The following RASEF variants were observed in gnomAD, a reference collection of about 807,000 sequenced individuals.
The protein encoded by RASEF is ras and EF-hand domain-containing protein.
In RASEF, 68 loss-of-function variants were observed where a neutral mutation model predicts 90.1. The observed-to-expected ratio is 0.75, with a 90% CI of 0.62 to 0.92. The LOEUF is 0.92. Ranked by LOEUF, RASEF falls within the 40% of genes least tolerant of loss-of-function variation. The probability of loss-of-function intolerance (pLI) is 0.00; values close to 1 mark genes in which losing one functional copy is unlikely to be tolerated. For synonymous variants in RASEF, 331 were observed against 345.2 expected (o/e 0.96, Z 0.46); for missense variants, 949 against 937.2 (o/e 1.01, Z -0.16).
chr9:83,170,644 A>C, the RASEF span, among the ~76,000 whole-genome samples: 1 of 151,632 alleles, frequency 6.6e-6, no homozygotes, highest in Non-Finnish European at 1.5e-5. Flanking sequence ...TTATTTGGTT[A>C]AGTTTATTCC....
At chr9:83,102,622 A>G in the RASEF span, among the ~76,000 whole-genome samples, 1 of 152,164 alleles carries the variant, frequency 6.6e-6, no homozygotes, top group Non-Finnish European at 1.5e-5. Flanking sequence ...TTCAGGCAGG[A>G]GACAGAGGGA....
chr9:83,151,596 T>C, the RASEF span, among the ~76,000 whole-genome samples: 3 of 152,232 alleles, frequency 2.0e-5, no homozygotes, highest in African/African-American at 4.8e-5. Context: ...ATTTTGCAAC[T>C]GGAAAACCAA....
the RASEF span, among the ~76,000 whole-genome samples, chr9:83,200,369 C>G: frequency 1.3e-5 from 2 of 152,232 alleles, no homozygotes; most frequent in East Asian, 3.9e-4. Flanking sequence ...GCACTCCAGC[C>G]TGGGCAACAG....
At chr9:83,088,401 G>GATAGATAGAT in the RASEF span, among the ~76,000 whole-genome samples, 1 of 151,838 alleles carries the variant, frequency 6.6e-6, no homozygotes, top group Admixed American at 6.6e-5. Flanking sequence ...TAGATAGATA[G>GATAGATAGAT]ATAGATAGAT....
the RASEF span, among the ~76,000 whole-genome samples, chr9:83,170,895 C>A: frequency 6.6e-6 from 1 of 151,740 alleles, no homozygotes; most frequent in Non-Finnish European, 1.5e-5. Context: ...TTTTCCTTTC[C>A]AATTTGGTTG....
Position 83,062,547 on chromosome 9 carries a change from G to A in RASEF, c.321C>T (p.Gly107=), listed in dbSNP as rs1229956429. 1.2e-6 allele frequency: 2 copies of A among 1,603,736 alleles called. No homozygotes were observed. Among genetic ancestry groups the A allele is most frequent in the African/African-American group, 1.3e-5 (1 of 74,816 alleles). ...CCAGCGCCGCCGCCGCGTCCTCGTC[G>A]CCTTCGTCCTCCTCGCTGTCGTGTG... ...PETHDSEEDE[G]DEDAAAALAT... is the part of the protein sequence containing the mutation. Residue 107 remains glycine (G), a synonymous_variant, in exon 1 of 17, where the codon GGC becomes GGT. Coordinates refer to ENST00000376447, the MANE Select transcript of RASEF (RefSeq NM_152573.4).
the RASEF span, among the ~76,000 whole-genome samples, chr9:83,204,323 AG>A: frequency 6.6e-6 from 1 of 152,002 alleles, no homozygotes; most frequent in African/African-American, 2.4e-5. Flanking sequence ...CAATTTGCAA[AG>A]TTTGGAGTCC....
the RASEF span, among the ~76,000 whole-genome samples, chr9:83,157,570 A>G: frequency 6.6e-6 from 1 of 152,222 alleles, no homozygotes; most frequent in Admixed American, 6.5e-5. Flanking sequence ...TGAGCTAAAT[A>G]AACTTCTTTC....
intron 9 of RASEF, among the ~76,000 whole-genome samples, chr9:83,003,043 TA>T (rs1829066965): frequency 6.6e-6 from 1 of 152,176 alleles, no homozygotes; most frequent in African/African-American, 2.4e-5. Context: ...AAATCTTTGT[TA>T]GAGTTCTTGC....
intron 1 of RASEF, among the ~76,000 whole-genome samples, chr9:83,029,024 T>C (rs1362969894): frequency 6.6e-6 from 1 of 152,206 alleles, no homozygotes; most frequent in Non-Finnish European, 1.5e-5. Flanking sequence ...ATCAGACTTC[T>C]AGCCTCCAGA....
the RASEF span, among the ~76,000 whole-genome samples, chr9:83,115,622 T>G: frequency 6.6e-6 from 1 of 152,186 alleles, no homozygotes; most frequent in Non-Finnish European, 1.5e-5. Context: ...GATTTTAATT[T>G]GCCCCCTCTT....
chr9:83,128,829 C>T, the RASEF span, among the ~76,000 whole-genome samples: 1 of 152,138 alleles, frequency 6.6e-6, no homozygotes, highest in African/African-American at 2.4e-5. Flanking sequence ...TGGGCCACCT[C>T]CTGTAGCAGG....
At chr9:83,127,847 T>G in the RASEF span, among the ~76,000 whole-genome samples, 1 of 152,056 alleles carries the variant, frequency 6.6e-6, no homozygotes, top group Admixed American at 6.5e-5. Context: ...TTAGGGATGA[T>G]TTTCCTAATT....
the RASEF span, among the ~76,000 whole-genome samples, chr9:83,124,959 A>G: frequency 6.6e-6 from 1 of 152,136 alleles, no homozygotes; most frequent in Admixed American, 6.6e-5. Flanking sequence ...AAGATTACAA[A>G]CAGTCGTGTG....
the RASEF span, among the ~76,000 whole-genome samples, chr9:83,218,899 T>C: frequency 2.6e-5 from 4 of 152,118 alleles, no homozygotes; most frequent in Admixed American, 2.6e-4. Flanking sequence ...TCCTCACTCC[T>C]CACAGGAGGA....
the RASEF span, among the ~76,000 whole-genome samples, chr9:83,075,686 GATAC>G: frequency 6.6e-6 from 1 of 151,954 alleles, no homozygotes; most frequent in African/African-American, 2.4e-5. Context: ...TTAGGTCATA[GATAC>G]ATTCATAGTC....
chr9:83,124,270 A>G, the RASEF span, among the ~76,000 whole-genome samples: 1 of 152,182 alleles, frequency 6.6e-6, no homozygotes, highest in Non-Finnish European at 1.5e-5. Flanking sequence ...GTGTATGAAT[A>G]TCTGTTCAAG....
chr9:83,018,325 C>T (rs56192457), intron 3 of RASEF, among the ~76,000 whole-genome samples: 4,785 of 152,234 alleles, frequency 0.031, 106 homozygotes, highest in Non-Finnish European at 0.045. Flanking sequence ...TCTATACATT[C>T]ACAATGAACA....
the RASEF span, among the ~76,000 whole-genome samples, chr9:83,080,937 A>G: frequency 6.6e-6 from 1 of 152,194 alleles, no homozygotes; most frequent in Non-Finnish European, 1.5e-5. Context: ...AGTTAGCAAT[A>G]TGAGTTTATG....
Sources: gnomAD v4.1 joint callset for allele counts (sites outside exome capture counted in the v4.1 genomes callset) on GRCh38, gnomAD v4.1.1 for gene constraint, MANE v1.5 for transcripts, NCBI Gene and HGNC (gene_info 2026-07-23, HGNC 2026-07-21) for gene names.